The following PCDHGA10 variants were observed in gnomAD, a reference collection of about 807,000 sequenced individuals.
The protein encoded by PCDHGA10 is protocadherin gamma subfamily A, 10, also known as protocadherin gamma-A10.
PCDHGA10 carries 42 observed loss-of-function variants against 59.5 expected under a neutral mutation model. The observed-to-expected ratio is 0.71, with a 90% CI of 0.55 to 0.91. The LOEUF is 0.91. PCDHGA10 is among the 40% of genes least tolerant of loss of function. The pLI, the probability that PCDHGA10 is intolerant of heterozygous loss-of-function variation, is 0.00. For missense variants in PCDHGA10, 1,111 were observed against 1,198.2 expected, an observed-to-expected ratio of 0.93 and a Z score of 1.07; for synonymous variants, 511 against 517.2, an observed-to-expected ratio of 0.99 and a Z score of 0.16.
chr5:141,481,434 A>C (rs1374254063), intron 1 of PCDHGA10, among the ~76,000 whole-genome samples: 1 of 152,256 alleles, frequency 6.6e-6, no homozygotes, highest in East Asian at 1.9e-4. Context: ...TGATTGTATC[A>C]GTTTAGTACA....
chr5:141,430,216 A>G (rs1487666733), intron 1 of PCDHGA10, among the ~76,000 whole-genome samples: 1 of 150,536 alleles, frequency 6.6e-6, no homozygotes, highest in Non-Finnish European at 1.5e-5. Flanking sequence ...TTATTATATT[A>G]TATGATTTGT....
chr5:141,431,016 C>T lies in PCDHGA10; in HGVS notation c.2436+15405C>T, dbSNP rs755015257. Reference sequence around the variant, plus strand: ...AATCCGCGCAGCGGCAGCTTGGTCACGGCGGGCAGGATAGACCGGGAGGAG... The same window carrying T: ...AATCCGCGCAGCGGCAGCTTGGTCATGGCGGGCAGGATAGACCGGGAGGAG... On this transcript the variant is annotated intron_variant, in intron 1 of 3. Transcript: ENST00000398610. This position sits in a 1 kb window ranked among gnomAD's most constrained non-coding sequence, Gnocchi z 4.8. 3 of 1,613,456 alleles carry T rather than the reference C, an allele frequency of 1.9e-6. No individual in the cohort carries two copies. The highest frequency in any genetic ancestry group is 2.2e-5 in the South Asian group (2 of 91,058).
chr5:141,415,056 G>C lies in PCDHGA10; in HGVS notation c.1881G>C (p.Thr627=). Residue 627 remains threonine (T), a synonymous_variant, in exon 1 of 4, where the codon ACG becomes ACC. Transcript: ENST00000398610. ...EPGLFAVGEH[T]GEVRTARALL... ...GACTCTTCGCGGTGGGGGAGCACAC[G>C]GGCGAGGTGCGCACGGCGCGAGCCC... is the stretch of plus-strand genomic sequence containing the variant. 2 of 1,613,416 alleles carry C rather than the reference G, an allele frequency of 1.2e-6. No individual in the cohort carries two copies. Among genetic ancestry groups the C allele is most frequent in the Non-Finnish European group, 1.7e-6 (2 of 1,179,938 alleles).
rs967941133 is a variant in PCDHGA10 at position 141,413,820 on chromosome 5, C to G, written c.645C>G (p.Val215=). Residue 215 remains valine, a synonymous_variant, in exon 1 of 4, where the codon GTC becomes GTG. Coordinates refer to ENST00000398610, the MANE Select transcript of PCDHGA10 (RefSeq NM_018913.3). ...AGGAAGAGGCCATTCACCACCTGGT[C>G]CTCACCGCCTCCGACGGGGGTGACC... ...DREEEAIHHL[V]LTASDGGDPL... The G allele has an allele frequency of 5.6e-6, 9 of 1,613,086 alleles. No individual in the cohort carries two copies. The highest frequency in any genetic ancestry group is 1.1e-5 in the South Asian group (1 of 91,074).
At chr5:141,426,925 A>G in intron 1 of PCDHGA10, 1 of 456,756 alleles carries the variant, frequency 2.2e-6, no homozygotes, top group Non-Finnish European at 4.4e-6. Flanking sequence ...GAAGCAATGG[A>G]CATGGGTGAC....
Position 141,490,983 on chromosome 5 carries a change from C to T in PCDHGA10, c.2437-3824C>T. ...ACTCAGCCCCCCAGCGTCTCCCTCG[C>T]TCTGCTCCTCCTGGCTCCTTGGTCA... On this transcript the variant is annotated intron_variant, in intron 1 of 3. Transcript: ENST00000398610. The surrounding 1 kb of genome is among the most constrained non-coding windows in gnomAD (Gnocchi z 5.4). 2 of 1,614,120 alleles carry T rather than the reference C, an allele frequency of 1.2e-6. No individual in the cohort carries two copies. Among genetic ancestry groups the T allele is most frequent in the South Asian group, 2.2e-5 (2 of 91,082 alleles).
At position 141,486,637 on chromosome 5, in the gene PCDHGA10, G is replaced by C. The variant is rs761072169; in HGVS notation, c.2437-8170G>C. 28 of 1,613,638 alleles carry C rather than the reference G, an allele frequency of 1.7e-5. No homozygotes were observed. The highest frequency in any genetic ancestry group is 1.1e-5 in the Non-Finnish European group (13 of 1,180,034). ...CTGACCCAGACTCTGGCTTGAATGC[G>C]CTTATCTCCTACTCACTCCTGGAGC... On this transcript the variant is annotated intron_variant, in intron 1 of 3. Transcript: ENST00000398610. This position sits in a 1 kb window ranked among gnomAD's most constrained non-coding sequence, Gnocchi z 5.0.
chr5:141,475,098 C>G (rs1252108172), intron 1 of PCDHGA10, among the ~76,000 whole-genome samples: 1 of 152,108 alleles, frequency 6.6e-6, no homozygotes, highest in East Asian at 1.9e-4. Flanking sequence ...TTATAAAGAT[C>G]CTAGGTGGTA....
In PCDHGA10 at chr5:141,486,981, A is replaced by G. The variant is rs1457098151; in HGVS notation, c.2437-7826A>G. Reference sequence around the variant, plus strand: ...GCTGTGGACTTGGATTCAGGTTACAATGCTTGGGTTTCCTATCAGCTCCTG... The same window carrying G: ...GCTGTGGACTTGGATTCAGGTTACAGTGCTTGGGTTTCCTATCAGCTCCTG... On this transcript the variant is annotated intron_variant, in intron 1 of 3. Coordinates refer to ENST00000398610, the MANE Select transcript of PCDHGA10 (RefSeq NM_018913.3). The surrounding 1 kb of genome is among the most constrained non-coding windows in gnomAD (Gnocchi z 5.0). 17 of 1,614,038 alleles carry G rather than the reference A, an allele frequency of 1.1e-5. No individual in the cohort carries two copies. The highest frequency in any genetic ancestry group is 4.0e-5 in the African/African-American group (3 of 74,922).
intron 2 of PCDHGA10, among the ~76,000 whole-genome samples, chr5:141,496,207 T>C (rs973745475): frequency 6.6e-6 from 1 of 152,134 alleles, no homozygotes; most frequent in Non-Finnish European, 1.5e-5. Flanking sequence ...CAATCTGGTA[T>C]GAATTCCTGC....
intron 1 of PCDHGA10, among the ~76,000 whole-genome samples, chr5:141,435,561 T>A (rs2154556722): frequency 6.6e-6 from 1 of 152,294 alleles, no homozygotes; most frequent in South Asian, 2.1e-4. Flanking sequence ...TGAGTGCTTT[T>A]TTTAGTACTG....
rs1228384684 is a variant in PCDHGA10 at position 141,432,189 on chromosome 5, A to G, written c.2436+16578A>G. On this transcript the variant is annotated intron_variant, in intron 1 of 3. Coordinates refer to ENST00000398610, the MANE Select transcript of PCDHGA10 (RefSeq NM_018913.3). This position sits in a 1 kb window ranked among gnomAD's most constrained non-coding sequence, Gnocchi z 6.0. The stretch of plus-strand genomic sequence containing the variant: ...GTTTCCCTCGTCTCTGTGACCGCCC[A>G]CGACCCCGACTGTGAAGAGAACGCC... 6.2e-6 allele frequency: 10 copies of G among 1,613,964 alleles called. No homozygotes were observed. Among genetic ancestry groups the G allele is most frequent in the African/African-American group, 1.3e-5 (1 of 74,878 alleles).
chr5:141,465,366 A>G (rs2099102089), intron 1 of PCDHGA10, among the ~76,000 whole-genome samples: 1 of 152,154 alleles, frequency 6.6e-6, no homozygotes, highest in Non-Finnish European at 1.5e-5. Flanking sequence ...GGTGCCCTTT[A>G]AAGTTGTAAG....
Position 141,493,760 on chromosome 5 carries a change from G to C in PCDHGA10, c.2437-1047G>C, listed in dbSNP as rs1268832909. On this transcript the variant is annotated intron_variant, in intron 1 of 3. Coordinates refer to ENST00000398610, the MANE Select transcript of PCDHGA10 (RefSeq NM_018913.3). The surrounding 1 kb of genome is among the most constrained non-coding windows in gnomAD (Gnocchi z 4.3). ...ACTGCCACCTGTGAGCCTTGAGTGA[G>C]CCACTGGCAGTTCCGGAGCTTCCTT... Among the ~76,000 whole-genome samples, 1 of 152,166 alleles carries C rather than the reference G, an allele frequency of 6.6e-6. No individual in the cohort carries two copies. The highest frequency in any genetic ancestry group is 1.5e-5 in the Non-Finnish European group (1 of 68,022).
In PCDHGA10 at chr5:141,491,927, G is replaced by A. The variant is rs1314503730; in HGVS notation, c.2437-2880G>A. 3 of 1,309,982 alleles carry A rather than the reference G, an allele frequency of 2.3e-6. No individual in the cohort carries two copies. In the African/African-American group the frequency reaches 4.5e-5, roughly 20 times the overall value. 81.1% of individuals were successfully genotyped at this position (1,309,982 alleles called of 1,614,324 possible). A position where few individuals can be genotyped will look rare whatever the true frequency, so the allele number is the denominator to read the frequency against. On this transcript the variant is annotated intron_variant, in intron 1 of 3. Coordinates refer to ENST00000398610, the MANE Select transcript of PCDHGA10 (RefSeq NM_018913.3). The surrounding 1 kb of genome is among the most constrained non-coding windows in gnomAD (Gnocchi z 6.9). ...GTGGTGGCGACTGTGGGCGAGGGGAGGTGGGACCGACCCCCACCCCTACAC... is the reference window on the plus strand; with the variant it reads ...GTGGTGGCGACTGTGGGCGAGGGGAAGTGGGACCGACCCCCACCCCTACAC...
chr5:141,489,592 C>A lies in PCDHGA10; in HGVS notation c.2437-5215C>A, dbSNP rs747085985. On this transcript the variant is annotated intron_variant, in intron 1 of 3. Coordinates refer to ENST00000398610, the MANE Select transcript of PCDHGA10 (RefSeq NM_018913.3). The surrounding 1 kb of genome is among the most constrained non-coding windows in gnomAD (Gnocchi z 4.5). ...GACTGAACACCCCCTGGAGCTAATCCGTGTAGAGGTAGAGATCCTGGATCT... is the reference window on the plus strand; with the variant it reads ...GACTGAACACCCCCTGGAGCTAATCAGTGTAGAGGTAGAGATCCTGGATCT... 3 of 1,614,046 alleles carry A rather than the reference C, an allele frequency of 1.9e-6. No homozygotes were observed. Among genetic ancestry groups the A allele is most frequent in the Non-Finnish European group, 2.5e-6 (3 of 1,179,978 alleles).
At chr5:141,452,792 A>AT (rs745523252) in intron 1 of PCDHGA10, among the ~76,000 whole-genome samples, 15 of 152,178 alleles carry the variant, frequency 9.9e-5, no homozygotes, top group Admixed American at 2.0e-4. Context: ...ACATACCATC[A>AT]TTTTTGCTGT....
At position 141,511,211 on chromosome 5, in the gene PCDHGA10, C is replaced by G; in HGVS notation, c.*38C>G. ...GCCAAGAGCCACAGGGCGGCCTCTC[C>G]CCAACCAGCCCAGCTTCTCCTTACC... On this transcript the variant is annotated 3_prime_UTR_variant, in exon 4 of 4. Transcript: ENST00000398610. The G allele has an allele frequency of 6.2e-7, 1 of 1,608,626 alleles. No individual in the cohort carries two copies. The highest frequency in any genetic ancestry group is 8.5e-7 in the Non-Finnish European group (1 of 1,177,476).
At chr5:141,506,130 GAGA>G (rs560751517) in intron 3 of PCDHGA10, among the ~76,000 whole-genome samples, 2 of 152,170 alleles carry the variant, frequency 1.3e-5, no homozygotes, top group Admixed American at 1.3e-4. Context: ...CCCAGAGCAG[GAGA>G]AGAAGAATAT....
Sources: gnomAD v4.1 joint callset for allele counts (sites outside exome capture counted in the v4.1 genomes callset) on GRCh38, gnomAD v4.1.1 for gene constraint, Gnocchi (gnomAD v3.1) non-coding constraint, MANE v1.5 for transcripts, NCBI Gene and HGNC (gene_info 2026-07-23, HGNC 2026-07-21) for gene names.